The following LMAN2L variants were observed in gnomAD, a reference collection of about 807,000 sequenced individuals.
LMAN2L encodes lectin, mannose binding 2 like.
In LMAN2L, 30 loss-of-function variants were observed where a neutral mutation model predicts 44.3. The observed-to-expected ratio is 0.68, with a 90% confidence interval of 0.51 to 0.92. The LOEUF (loss-of-function observed/expected upper bound fraction) is 0.92. Ranked by LOEUF, LMAN2L falls within the 40% of genes least tolerant of loss-of-function variation. LMAN2L has a pLI of 0.00. For missense variants in LMAN2L, 429 were observed against 446.1 expected, an observed-to-expected ratio of 0.96 and a Z score of 0.35; for synonymous variants, 183 against 171.1, an observed-to-expected ratio of 1.07 and a Z score of -0.54.
chr2:96,738,152 C>CCATCT lies in LMAN2L; in HGVS notation c.188-86_188-85insAGATG, dbSNP rs2078555880. 5 of 871,056 alleles carry CCATCT rather than the reference C, an allele frequency of 5.7e-6. No homozygotes were observed. In the Admixed American group the frequency reaches 1.0e-4, roughly 18 times the overall value. The allele number at this position is 871,056 out of a possible 1,614,324, so 54.0% of individuals were successfully genotyped here. On this transcript the variant is annotated intron_variant, in intron 1 of 7. Transcript: ENST00000264963. ...CACCACAGAGCCTCTGAAAGCTGAG[C>CCATCT]CATCATCTTTTTCCCCCTTTAATGT...
At chr2:96,728,608 C>T (rs916637796) in intron 4 of LMAN2L, among the ~76,000 whole-genome samples, 15 of 151,860 alleles carry the variant, frequency 9.9e-5, no homozygotes, top group East Asian at 7.7e-4. Context: ...TTTGGGAGGC[C>T]GAGGCGGGTA....
chr2:96,723,629 T>G (rs1436524078), intron 4 of LMAN2L, among the ~76,000 whole-genome samples: 1 of 152,212 alleles, frequency 6.6e-6, no homozygotes, highest in Non-Finnish European at 1.5e-5. Context: ...CCGATATTTT[T>G]TTTTTCTAAA....
intron 4 of LMAN2L, among the ~76,000 whole-genome samples, chr2:96,715,532 T>C (rs976255418): frequency 1.3e-5 from 2 of 152,212 alleles, no homozygotes; most frequent in Non-Finnish European, 2.9e-5. Context: ...GAACCAAAGA[T>C]TGAAGAATCA....
chr2:96,716,612 A>G (rs2078045336), intron 4 of LMAN2L, among the ~76,000 whole-genome samples: 1 of 152,252 alleles, frequency 6.6e-6, no homozygotes. Flanking sequence ...TTGAGCACTT[A>G]GTCTGTGCCA....
chr2:96,739,540 T>G (rs2078590026), intron 1 of LMAN2L, among the ~76,000 whole-genome samples: 1 of 152,158 alleles, frequency 6.6e-6, no homozygotes, highest in African/African-American at 2.4e-5. Flanking sequence ...TCATTGCTAG[T>G]AGCCCTCAAT....
intron 4 of LMAN2L, among the ~76,000 whole-genome samples, chr2:96,728,505 CAAAAAA>C (rs61588722): frequency 9.1e-5 from 8 of 87,820 alleles, no homozygotes; most frequent in Non-Finnish European, 1.6e-4. Context: ...GACTCCGTCT[CAAAAAA>C]AAAAAAAAAA....
intron 4 of LMAN2L, among the ~76,000 whole-genome samples, chr2:96,720,849 G>C (rs1446971737): frequency 6.6e-6 from 1 of 152,222 alleles, no homozygotes; most frequent in Non-Finnish European, 1.5e-5. Flanking sequence ...TGAGGCAGGA[G>C]AATCACTTGA....
rs372022200 is a variant in LMAN2L, at chr2:96,707,251, A to C, written c.*5T>G. On this transcript the variant is annotated 3_prime_UTR_variant, in exon 8 of 8. Transcript: ENST00000264963. ...CAGTCACAAAAGTGGTGGCAGCAGG[A>C]GGGCTCAGTAGAAGCGCTTTCGGCT... The C allele has an allele frequency of 4.3e-6, 7 of 1,613,360 alleles. No homozygotes were observed. In the African/African-American group the frequency reaches 9.3e-5, roughly 22 times the overall value.
In LMAN2L at chr2:96,711,676, G is replaced by A. The variant is rs1281785171; in HGVS notation, c.764C>T (p.Ser255Phe). The change falls in exon 6 of 8, where the codon TCC (serine) becomes TTC (phenylalanine). Residue 255 changes from serine (S) to phenylalanine (F), a missense_variant. Transcript: ENST00000264963. ...AGTACCTGAGAGATCCCCAGTGATG[G>A]AGGAGGTGCCGAAGTAGTAGCCGCG... ...LPRGYYFGTSSITGDLSDNHD... is the reference protein window; with the variant it reads ...LPRGYYFGTSFITGDLSDNHD... The A allele has an allele frequency of 6.2e-7, 1 of 1,613,278 alleles. No homozygotes were observed. Among genetic ancestry groups the A allele is most frequent in the Non-Finnish European group, 8.5e-7 (1 of 1,179,566 alleles).
At position 96,711,888 on chromosome 2, in the gene LMAN2L, A is replaced by C; in HGVS notation, c.645T>G (p.Ile215Met). Residue 215 changes from isoleucine (I) to methionine (M), a missense_variant, in exon 5 of 8, where the codon ATT (isoleucine) becomes ATG (methionine). By Grantham distance (10) the Ile-to-Met change is conservative (BLOSUM62 1). Coordinates refer to ENST00000264963, the MANE Select transcript of LMAN2L (RefSeq NM_030805.4). ...RNLHYDTFLV[I>M]RYVKRHLTIM... Reference sequence around the variant, plus strand: ...CCGTCAAATGCCTCTTGACGTAGCGAATCACCAGGAAGGTGTCGTAATGAA... The same window carrying C: ...CCGTCAAATGCCTCTTGACGTAGCGCATCACCAGGAAGGTGTCGTAATGAA... 1 of 1,614,196 alleles carries C rather than the reference A, an allele frequency of 6.2e-7. No individual in the cohort carries two copies. Among genetic ancestry groups the C allele is most frequent in the Non-Finnish European group, 8.5e-7 (1 of 1,180,036 alleles).
rs2078574032 is a variant in LMAN2L, at chr2:96,738,889, C to T, written c.188-822G>A. On this transcript the variant is annotated intron_variant, in intron 1 of 7. Coordinates refer to ENST00000264963, the MANE Select transcript of LMAN2L (RefSeq NM_030805.4). ...CTGAGTAGCTGGGACTACAGGCGCC[C>T]GCCACCACACCTGGCTAATTTTTTT... Among the ~76,000 whole-genome samples, 3 of 152,056 alleles carry T rather than the reference C, an allele frequency of 2.0e-5. No individual in the cohort carries two copies. In the South Asian group the frequency reaches 6.2e-4, roughly 32 times the overall value.
chr2:96,726,835 G>A (rs1293939845), intron 4 of LMAN2L, among the ~76,000 whole-genome samples: 2 of 151,978 alleles, frequency 1.3e-5, no homozygotes. Context: ...TGTAATCCCA[G>A]CACTTTGGGA....
intron 4 of LMAN2L, among the ~76,000 whole-genome samples, chr2:96,717,263 G>A (rs1036932705): frequency 2.0e-5 from 3 of 151,996 alleles, no homozygotes; most frequent in Admixed American, 6.6e-5. Flanking sequence ...AGGATGGCCA[G>A]GTGTGGTGGC....
At chr2:96,729,268 T>C (rs1574022525) in intron 4 of LMAN2L, among the ~76,000 whole-genome samples, 1 of 150,426 alleles carries the variant, frequency 6.6e-6, no homozygotes, top group South Asian at 2.1e-4. Context: ...AAAAAAAGGA[T>C]GGGAGCTGGT....
intron 4 of LMAN2L, among the ~76,000 whole-genome samples, chr2:96,717,936 A>AT (rs1267739167): frequency 6.6e-6 from 1 of 151,274 alleles, no homozygotes; most frequent in African/African-American, 2.4e-5. Flanking sequence ...CTCTTGTTAT[A>AT]TTTTTTCCCC....
At chr2:96,735,755 G>A (rs905166681) in intron 2 of LMAN2L, among the ~76,000 whole-genome samples, 2 of 151,872 alleles carry the variant, frequency 1.3e-5, no homozygotes, top group East Asian at 3.9e-4. Flanking sequence ...GGAGAATGGC[G>A]TGAACCCAGG....
chr2:96,734,621 G>A (rs1369494507), intron 2 of LMAN2L, 95 bp from the exon 3 acceptor site: 2 of 796,274 alleles, frequency 2.5e-6, no homozygotes, highest in Non-Finnish European at 4.5e-6. Flanking sequence ...AAACACAAAT[G>A]CAGGTAACAC....
At chr2:96,714,642 A>G (rs991277775) in intron 4 of LMAN2L, among the ~76,000 whole-genome samples, 9 of 152,242 alleles carry the variant, frequency 5.9e-5, no homozygotes, top group African/African-American at 2.2e-4. Context: ...GATGAGCCCA[A>G]GGCTTCCTTC....
At chr2:96,707,675 C>T in intron 7 of LMAN2L, 39 bp downstream of exon 7, 2 of 1,612,188 alleles carry the variant, frequency 1.2e-6, no homozygotes. Context: ...AAGCTCCTCC[C>T]CAACTATGGG....
Sources: gnomAD v4.1 joint callset for allele counts (sites outside exome capture counted in the v4.1 genomes callset) on GRCh38, gnomAD v4.1.1 for gene constraint, MANE v1.5 for transcripts, NCBI Gene and HGNC (gene_info 2026-07-23, HGNC 2026-07-21) for gene names.